The following PKP2 variants were observed in gnomAD, a reference collection of about 807,000 sequenced individuals.
The protein encoded by PKP2 is plakophilin-2.
Under a neutral mutation model 83.4 loss-of-function variants are expected in PKP2, and 73 were observed. The observed-to-expected ratio is 0.88, with a 90% CI of 0.72 to 1.06. The LOEUF (loss-of-function observed/expected upper bound fraction) is 1.06, where lower values mean the gene tolerates loss of function less well. PKP2 is among the 50% of genes least tolerant of loss of function. The pLI is 0.00. For missense variants in PKP2, 966 were observed against 1,065.4 expected, an observed-to-expected ratio of 0.91 and a Z score of 1.30; for synonymous variants, 409 against 430.4, an observed-to-expected ratio of 0.95 and a Z score of 0.62.
At position 32,824,268 on chromosome 12, in the gene PKP2, C is replaced by A. The variant is rs1030752611; in HGVS notation, c.1557-106G>T. On this transcript the variant is annotated intron_variant, in intron 6 of 12. Transcript: ENST00000340811. ...CTTCTTCCAGGTGTTTGGAAACTGG[C>A]AAATTTGTAAAAGTGTGGCAGACTT... The A allele has an allele frequency of 1.1e-5, 9 of 814,478 alleles. 1 individual carries two copies. The Admixed American group carries it at 1.6e-4, about 14-fold the overall frequency. 50.5% of individuals were successfully genotyped at this position (814,478 alleles called of 1,614,324 possible). A position where few individuals can be genotyped will look rare whatever the true frequency, so the allele number is the denominator to read the frequency against.
chr12:32,880,788 T>TTTTTG (rs3044565), intron 1 of PKP2, among the ~76,000 whole-genome samples: 123,583 of 151,442 alleles, frequency 0.82, 51,013 homozygotes, highest in Middle Eastern at 0.86. Context: ...CTCTCAGCTT[T>TTTTTG]TTTTGAGTTT....
intron 10 of PKP2, 108 bp from the exon 11 acceptor site, chr12:32,796,406 G>A (rs972876223): frequency 1.8e-5 from 18 of 1,026,806 alleles, no homozygotes; most frequent in Admixed American, 4.2e-5. Flanking sequence ...TTTTTGAGAC[G>A]GAATCTTGCT....
At chr12:32,811,407 T>C (rs1282866439) in intron 9 of PKP2, among the ~76,000 whole-genome samples, 2 of 152,244 alleles carry the variant, frequency 1.3e-5, no homozygotes, top group East Asian at 1.9e-4. Flanking sequence ...AGATTTTCAT[T>C]AGCCATGACT....
chr12:32,831,132 G>C (rs1292456888), intron 6 of PKP2, among the ~76,000 whole-genome samples: 2 of 152,094 alleles, frequency 1.3e-5, no homozygotes, highest in African/African-American at 4.8e-5. Flanking sequence ...ATTGCAACTT[G>C]AATAAGCATT....
At chr12:32,852,797 T>C (rs1309596247) in intron 4 of PKP2, among the ~76,000 whole-genome samples, 2 of 152,170 alleles carry the variant, frequency 1.3e-5, no homozygotes, top group African/African-American at 4.8e-5. Context: ...AAAGATTTCT[T>C]AGCTGGCCGG....
At chr12:32,843,423 T>G in intron 5 of PKP2, 1 of 707,924 alleles carries the variant, frequency 1.4e-6, no homozygotes, top group Non-Finnish European at 2.3e-6. Flanking sequence ...TCCCCTGAAA[T>G]AAGAGCCTGT....
chr12:32,845,830 A>G (rs1390685932), intron 5 of PKP2, among the ~76,000 whole-genome samples: 1 of 152,112 alleles, frequency 6.6e-6, no homozygotes, highest in Non-Finnish European at 1.5e-5. Context: ...TTTCCCTTGC[A>G]TAGATATACC....
At chr12:32,792,905 A>G (rs1214885968) in intron 11 of PKP2, 174 bp from the exon 12 acceptor site, 1 of 654,320 alleles carries the variant, frequency 1.5e-6, no homozygotes, top group Non-Finnish European at 2.8e-6. Flanking sequence ...CAAGGCGGGG[A>G]CCATATCTGT....
intron 4 of PKP2, among the ~76,000 whole-genome samples, chr12:32,860,927 C>CT: frequency 6.6e-6 from 1 of 152,204 alleles, no homozygotes; most frequent in East Asian, 1.9e-4. Flanking sequence ...ACTTGGGAGG[C>CT]TGAGGCAAGA....
chr12:32,801,924 ATC>A (rs1956183638), intron 10 of PKP2, among the ~76,000 whole-genome samples: 1 of 152,148 alleles, frequency 6.6e-6, no homozygotes, highest in Non-Finnish European at 1.5e-5. Context: ...TATTGTGATT[ATC>A]TGTTTATCCA....
rs146683466 is a variant in PKP2, at chr12:32,877,966, C to T, written c.914G>A (p.Gly305Glu). ...GCTGGAATCCACGGCGACACTGGGC[C>T]CAGCTTCCCTCAGCGTGCGGGTGCT... Reference protein sequence around the residue: ...FHSTRTLREAGPSVAVDSSGR... With the variant: ...FHSTRTLREAEPSVAVDSSGR... The change falls in exon 3 of 13, where the codon GGG (glycine) becomes GAG (glutamate). Residue 305 changes from glycine (G) to glutamate (E), a missense_variant. Coordinates refer to ENST00000340811, the MANE Select transcript of PKP2 (RefSeq NM_001005242.3). The T allele has an allele frequency of 2.5e-6, 4 of 1,614,038 alleles. No homozygotes were observed. In the African/African-American group the frequency reaches 4.0e-5, roughly 16 times the overall value.
intron 1 of PKP2, among the ~76,000 whole-genome samples, chr12:32,888,646 C>G (rs1029076080): frequency 1.8e-5 from 2 of 108,778 alleles, no homozygotes; most frequent in Non-Finnish European, 4.7e-5. Flanking sequence ...TGCGCCACCA[C>G]GCCCAGCTTA....
chr12:32,810,520 C>T (rs1324391458), intron 9 of PKP2, among the ~76,000 whole-genome samples: 1 of 152,172 alleles, frequency 6.6e-6, no homozygotes, highest in African/African-American at 2.4e-5. Flanking sequence ...TCCTTTTGAA[C>T]ACTTTCTCAC....
chr12:32,847,196 G>A (rs924067436), intron 5 of PKP2, among the ~76,000 whole-genome samples: 4 of 152,074 alleles, frequency 2.6e-5, no homozygotes, highest in African/African-American at 9.7e-5. Flanking sequence ...GTCTATATTA[G>A]GTTAACAATT....
chr12:32,797,986 G>C (rs890976151), intron 10 of PKP2, among the ~76,000 whole-genome samples: 2 of 151,678 alleles, frequency 1.3e-5, no homozygotes, highest in Non-Finnish European at 2.9e-5. Flanking sequence ...ATGAGACCCC[G>C]TCTCTATTTT....
At chr12:32,885,119 C>G (rs977051538) in intron 1 of PKP2, among the ~76,000 whole-genome samples, 6 of 152,120 alleles carry the variant, frequency 3.9e-5, no homozygotes, top group Non-Finnish European at 8.8e-5. Flanking sequence ...CAATTCAGGT[C>G]AAACCAATTG....
At chr12:32,859,592 G>T (rs1956782034) in intron 4 of PKP2, among the ~76,000 whole-genome samples, 1 of 152,030 alleles carries the variant, frequency 6.6e-6, no homozygotes, top group Admixed American at 6.6e-5. Flanking sequence ...GAGTAGCTGG[G>T]ACTACAGGTG....
chr12:32,793,855 A>ATG (rs1474916705), intron 11 of PKP2, among the ~76,000 whole-genome samples: 1 of 151,998 alleles, frequency 6.6e-6, no homozygotes, highest in Non-Finnish European at 1.5e-5. Flanking sequence ...TCGGCCTCTC[A>ATG]TAGTGCTGGG....
chr12:32,802,457 C>T lies in PKP2; in HGVS notation c.2113G>A (p.Ala705Thr), dbSNP rs1401436066. The T allele has an allele frequency of 3.7e-6, 6 of 1,613,996 alleles. No individual in the cohort carries two copies. In the Admixed American group the frequency reaches 8.3e-5, roughly 22 times the overall value. The change falls in exon 10 of 13, where the codon GCC (alanine) becomes ACC (threonine). Residue 705 changes from alanine (A) to threonine (T), a missense_variant. Ala to Thr is a moderately conservative substitution (Grantham distance 58, BLOSUM62 0). Coordinates refer to ENST00000340811, the MANE Select transcript of PKP2 (RefSeq NM_001005242.3). The part of the protein sequence containing the change: ...HVGDPSVKKT[A>T]ISLLRNLSRN... The stretch of plus-strand genomic sequence containing the variant: ...GACAGATTCCTCAGCAGCGAGATGG[C>T]TGTCTTTTTCACACTTGGGTCACCA...
Sources: gnomAD v4.1 joint callset for allele counts (sites outside exome capture counted in the v4.1 genomes callset) on GRCh38, gnomAD v4.1.1 for gene constraint, MANE v1.5 for transcripts, NCBI Gene and HGNC (gene_info 2026-07-23, HGNC 2026-07-21) for gene names.